The following RGS3 variants were observed in gnomAD, a reference collection of about 807,000 sequenced individuals.
RGS3 encodes regulator of G protein signaling 3.
RGS3 carries 80 observed loss-of-function variants against 132.6 expected under a neutral mutation model. The observed-to-expected ratio is 0.60, with a 90% CI of 0.50 to 0.73. The LOEUF (loss-of-function observed/expected upper bound fraction) is 0.73, where lower values mean the gene tolerates loss of function less well. Ranked by LOEUF, RGS3 falls within the 30% of genes least tolerant of loss-of-function variation. The pLI is 0.00. For synonymous variants in RGS3, 598 were observed against 620.6 expected, an observed-to-expected ratio of 0.96 and a Z score of 0.54; for missense variants, 1,382 against 1,530.8, an observed-to-expected ratio of 0.90 and a Z score of 1.62.
chr9:113,463,598 G>T lies in RGS3; in HGVS notation c.415+1397G>T, dbSNP rs951360032. The stretch of plus-strand genomic sequence containing the variant: ...TCGGCGGCGCCGCCTCCCCCACCCC[G>T]GCCCAGCTCTGCTCCGGCAGGTGGA... On this transcript the variant is annotated intron_variant, in intron 3 of 24. Transcript: ENST00000350696. The surrounding 1 kb of genome is among the most constrained non-coding windows in gnomAD (Gnocchi z 4.6). 1.9e-5 allele frequency: 6 copies of T among 319,036 alleles called. No individual in the cohort carries two copies. Among genetic ancestry groups the T allele is most frequent in the Non-Finnish European group, 3.1e-5 (6 of 191,384 alleles). The allele number at this position is 319,036 out of a possible 1,614,324, so 19.8% of individuals were successfully genotyped here.
At chr9:113,586,086 A>C (rs1835104257) in intron 20 of RGS3, among the ~76,000 whole-genome samples, 1 of 152,176 alleles carries the variant, frequency 6.6e-6, no homozygotes, top group African/African-American at 2.4e-5. Flanking sequence ...TATATTTTAA[A>C]CATGCCCCGA....
chr9:113,483,995 G>T, intron 5 of RGS3, 143 bp from the exon 4 acceptor site: 1 of 523,854 alleles, frequency 1.9e-6, no homozygotes, highest in South Asian at 2.7e-5. Flanking sequence ...TGCAGCATCT[G>T]ACAGGGGACT....
chr9:113,530,776 C>G (rs1359879337), intron 18 of RGS3, among the ~76,000 whole-genome samples: 1 of 152,184 alleles, frequency 6.6e-6, no homozygotes, highest in Non-Finnish European at 1.5e-5. Flanking sequence ...GATCTGATCT[C>G]CAGGGGCTGT....
chr9:113,536,898 G>GC lies in RGS3; in HGVS notation c.2018dup (p.Ser674IlefsTer9), dbSNP rs767229291. The GC allele has an allele frequency of 1.1e-5, 18 of 1,613,992 alleles. No individual in the cohort carries two copies. The highest frequency in any genetic ancestry group is 1.5e-5 in the Non-Finnish European group (18 of 1,180,028). ...CATCGCCAAGCAGCAACAGCTGGCA[G>GC]CATCACCCCCGGACAGCAAGGTAAG... On this transcript the variant is annotated frameshift_variant, in exon 19 of 25. Transcript: ENST00000350696. LOFTEE classifies it high-confidence loss of function.
intron 18 of RGS3, among the ~76,000 whole-genome samples, chr9:113,534,175 A>G (rs912747593): frequency 6.6e-6 from 1 of 152,212 alleles, no homozygotes; most frequent in Non-Finnish European, 1.5e-5. Context: ...AGTCCACCCC[A>G]GCTCAAGGCC....
intron 24 of RGS3, among the ~76,000 whole-genome samples, chr9:113,596,475 T>C (rs1835784500): frequency 6.6e-6 from 1 of 152,212 alleles, no homozygotes; most frequent in Non-Finnish European, 1.5e-5. Flanking sequence ...TCACCGCACT[T>C]AAGTAATTTG....
In RGS3 at chr9:113,506,410, G is replaced by C; in HGVS notation, c.1002G>C (p.Gly334=). The change falls in exon 12 of 25, where the codon GGG becomes GGC. Residue 334 remains glycine (G), a synonymous_variant. Coordinates refer to ENST00000350696, the Ensembl canonical transcript of RGS3. This position sits in a 1 kb window ranked among gnomAD's most constrained non-coding sequence, Gnocchi z 4.7. ...CAGGGGGTCCGGCGGAACGGGCAGGGCTGCAGCAGCTGGACACGGTGCTGC... is the reference window on the plus strand; with the variant it reads ...CAGGGGGTCCGGCGGAACGGGCAGGCCTGCAGCAGCTGGACACGGTGCTGC... The C allele has an allele frequency of 6.3e-7, 1 of 1,593,170 alleles. No individual in the cohort carries two copies. Among genetic ancestry groups the C allele is most frequent in the South Asian group, 1.1e-5 (1 of 86,968 alleles).
At chr9:113,489,329 AAGGTAACAC>A (rs1372850741) in intron 7 of RGS3, among the ~76,000 whole-genome samples, 1 of 152,200 alleles carries the variant, frequency 6.6e-6, no homozygotes, top group Non-Finnish European at 1.5e-5. Context: ...TAACTTGCCT[AAGGTAACAC>A]AGATAGGGTG....
chr9:113,591,101 T>A lies in RGS3; in HGVS notation c.3016-232T>A, dbSNP rs1270353942. 6.6e-6 allele frequency among the ~76,000 whole-genome samples: 1 copy of A among 152,226 alleles called. No homozygotes were observed. Among genetic ancestry groups the A allele is most frequent in the Non-Finnish European group, 1.5e-5 (1 of 68,032 alleles). On this transcript the variant is annotated intron_variant, in intron 20 of 24. Transcript: ENST00000350696. This position sits in a 1 kb window ranked among gnomAD's most constrained non-coding sequence, Gnocchi z 4.4. ...GCTTCTCCCCAGTGAGCTGGGGACC[T>A]GACTGTCCCAGGAGGAGATCCCTGT...
At chr9:113,515,228 G>A (rs552368588) in intron 15 of RGS3, among the ~76,000 whole-genome samples, 19 of 152,242 alleles carry the variant, frequency 1.2e-4, no homozygotes, top group South Asian at 1.2e-3. Context: ...TGGAAGGATC[G>A]TTTGAGGCCA....
At chr9:113,497,164 AG>A (rs1830713032) in intron 8 of RGS3, 149 bp from the exon 7 acceptor site, 1 of 622,042 alleles carries the variant, frequency 1.6e-6, no homozygotes, top group East Asian at 2.8e-5. Context: ...CTGGAGGTGC[AG>A]GCATGGCAGC....
chr9:113,584,328 C>CACCTG lies in RGS3; in HGVS notation c.2917_2921dup (p.Trp974Ter). The CACCTG allele has an allele frequency of 6.3e-7, 1 of 1,599,978 alleles. No homozygotes were observed. Among genetic ancestry groups the CACCTG allele is most frequent in the East Asian group, 2.2e-5 (1 of 44,736 alleles). On this transcript the variant is annotated frameshift_variant, in exon 20 of 25. Coordinates refer to ENST00000350696, the Ensembl canonical transcript of RGS3. LOFTEE classifies it high-confidence loss of function. ...GCTCAGACGGTGAGGGCGCCGCCTC[C>CACCTG]ACCTGGGGCATGCCTTCGCCCAGCA...
At chr9:113,540,507 G>A (rs1039241095) in intron 19 of RGS3, among the ~76,000 whole-genome samples, 14 of 152,198 alleles carry the variant, frequency 9.2e-5, no homozygotes, top group Non-Finnish European at 1.9e-4. Flanking sequence ...GAAGGATCCA[G>A]TGGGGTCCTG....
At chr9:113,510,562 T>G (rs948879825) in intron 14 of RGS3, among the ~76,000 whole-genome samples, 1 of 152,052 alleles carries the variant, frequency 6.6e-6, no homozygotes, top group African/African-American at 2.4e-5. Flanking sequence ...CTGCCTGGAG[T>G]GGGCCCATGC....
intron 18 of RGS3, 97 bp from the exon 17 acceptor site, chr9:113,536,699 C>A (rs576981468): frequency 6.5e-7 from 1 of 1,540,508 alleles, no homozygotes; most frequent in Admixed American, 1.8e-5. Flanking sequence ...TGGCTGCAGC[C>A]TCACCCTCTG....
chr9:113,526,346 A>G (rs1832207080), intron 17 of RGS3, among the ~76,000 whole-genome samples: 1 of 152,174 alleles, frequency 6.6e-6, no homozygotes, highest in African/African-American at 2.4e-5. Context: ...CAGTGATAGC[A>G]GTGCTGGGGT....
chr9:113,500,174 CAG>C (rs1830826383), intron 10 of RGS3, among the ~76,000 whole-genome samples: 1 of 152,216 alleles, frequency 6.6e-6, no homozygotes, highest in South Asian at 2.1e-4. Flanking sequence ...CTTATGTGCT[CAG>C]AGATGTCTGT....
intron 23 of RGS3, 143 bp downstream of exon 21, chr9:113,595,123 G>A: frequency 1.3e-6 from 1 of 783,520 alleles, no homozygotes; most frequent in Non-Finnish European, 2.1e-6. Context: ...CGGAGGGGCT[G>A]AGCCCAAGCT....
At chr9:113,509,378 G>T (rs1479925517) in intron 14 of RGS3, among the ~76,000 whole-genome samples, 2 of 152,142 alleles carry the variant, frequency 1.3e-5, no homozygotes, top group Non-Finnish European at 2.9e-5. Context: ...TTGTTGGGGG[G>T]ATCCCATGAG....
Sources: gnomAD v4.1 joint callset for allele counts (sites outside exome capture counted in the v4.1 genomes callset) on GRCh38, gnomAD v4.1.1 for gene constraint, Gnocchi (gnomAD v3.1) non-coding constraint, MANE v1.5 for transcripts, NCBI Gene and HGNC (gene_info 2026-07-23, HGNC 2026-07-21) for gene names.